Variants in EPB41L2 observed in about 807,000 individuals in gnomAD.
EPB41L2 encodes band 4.1-like protein 2.
EPB41L2 carries 43 observed loss-of-function variants against 113.0 expected under a neutral mutation model. That is an observed-to-expected ratio of 0.38 (90% CI 0.30 to 0.49). EPB41L2 has a LOEUF of 0.49. Ranked by LOEUF, EPB41L2 falls within the 20% of genes least tolerant of loss-of-function variation. EPB41L2 has a pLI of 0.95. For missense variants in EPB41L2, 1,147 were observed against 1,223.4 expected (o/e 0.94, Z 0.93); for synonymous variants, 442 against 436.7 (o/e 1.01, Z -0.15).
At position 130,895,016 on chromosome 6, in the gene EPB41L2, T is replaced by C; in HGVS notation, c.1340A>G (p.Lys447Arg). The change falls in exon 9 of 20, where the codon AAA becomes AGA. Residue 447 changes from lysine to arginine, a missense_variant. By Grantham distance (26) the Lys-to-Arg change is conservative. Transcript: ENST00000337057. ...GAAGTTACTGCGTTTATAGGAAATT[T>C]TTAAGATTTTCGGCCAAGCAAAACG... Reference protein sequence around the residue: ...INRFAWPKILKISYKRSNFYI... With the variant: ...INRFAWPKILRISYKRSNFYI... 6.2e-7 allele frequency: 1 copy of C among 1,614,010 alleles called. No individual in the cohort carries two copies. Among genetic ancestry groups the C allele is most frequent in the Middle Eastern group, 1.7e-4 (1 of 6,058 alleles).
intron 1 of EPB41L2, among the ~76,000 whole-genome samples, chr6:130,963,811 T>C (rs889474286): frequency 1.1e-4 from 16 of 152,152 alleles, no homozygotes; most frequent in Non-Finnish European, 1.9e-4. Context: ...ATAATGCATA[T>C]AAACCTTGTA....
At chr6:131,004,131 T>C (rs1219324460) in intron 1 of EPB41L2, among the ~76,000 whole-genome samples, 1 of 152,186 alleles carries the variant, frequency 6.6e-6, no homozygotes, top group East Asian at 1.9e-4. Flanking sequence ...TGCCTATCTA[T>C]AGACAGTCCC....
At chr6:130,898,132 T>G (rs1435155067) in intron 8 of EPB41L2, among the ~76,000 whole-genome samples, 4 of 151,502 alleles carry the variant, frequency 2.6e-5, no homozygotes, top group African/African-American at 9.7e-5. Context: ...AAAAAGGTAT[T>G]AAGAATGCTT....
intron 1 of EPB41L2, among the ~76,000 whole-genome samples, chr6:131,029,616 A>G (rs765668988): frequency 6.4e-4 from 97 of 152,312 alleles, no homozygotes; most frequent in Admixed American, 1.5e-3. Flanking sequence ...TTAAAAGTTC[A>G]TTCTCCCACC....
At chr6:131,019,374 AT>A (rs376410043) in intron 1 of EPB41L2, among the ~76,000 whole-genome samples, 126 of 152,286 alleles carry the variant, frequency 8.3e-4, no homozygotes, top group Middle Eastern at 3.4e-3. Context: ...GCAAAGAATA[AT>A]TTTGATTCCT....
intron 1 of EPB41L2, among the ~76,000 whole-genome samples, chr6:130,962,020 GGTAGAGGATAT>G (rs1773700617): frequency 1.3e-5 from 2 of 152,128 alleles, no homozygotes; most frequent in African/African-American, 4.8e-5. Flanking sequence ...TCTGCTTGTG[GGTAGAGGATAT>G]GTAGAGCATC....
chr6:130,984,860 A>G (rs949979822), intron 1 of EPB41L2, among the ~76,000 whole-genome samples: 1 of 152,246 alleles, frequency 6.6e-6, no homozygotes, highest in African/African-American at 2.4e-5. Context: ...ACTATTGGCT[A>G]GAATGGTAAA....
intron 3 of EPB41L2, among the ~76,000 whole-genome samples, chr6:130,947,065 A>G (rs996284999): frequency 3.5e-5 from 5 of 141,906 alleles, no homozygotes; most frequent in African/African-American, 1.3e-4. Context: ...GCTAGCTACA[A>G]TGTTCCAAAA....
intron 1 of EPB41L2, among the ~76,000 whole-genome samples, chr6:131,043,757 G>A (rs1440753768): frequency 6.6e-6 from 1 of 152,176 alleles, no homozygotes; most frequent in African/African-American, 2.4e-5. Context: ...AGGATTTGCT[G>A]TTAATTTATT....
chr6:131,020,438 T>A (rs970695487), intron 1 of EPB41L2, among the ~76,000 whole-genome samples: 1 of 152,222 alleles, frequency 6.6e-6, no homozygotes, highest in Non-Finnish European at 1.5e-5. Flanking sequence ...GTGTTCTCAC[T>A]GTTAATATGT....
chr6:131,041,286 CAT>C (rs1252246831), intron 1 of EPB41L2, among the ~76,000 whole-genome samples: 1 of 152,036 alleles, frequency 6.6e-6, no homozygotes, highest in Admixed American at 6.5e-5. Context: ...CAGGAAAAAA[CAT>C]ATGGGAAAAA....
chr6:130,885,271 A>G lies in EPB41L2; in HGVS notation c.1661-3T>C. ...TTGGTCCATGACACCAATCGGAGCT[A>G]GTAAAGAGTGACAATTTTGGATTAT... On this transcript the variant is annotated splice_polypyrimidine_tract_variant and splice_region_variant and intron_variant, in intron 11 of 19. Coordinates refer to ENST00000337057, the MANE Select transcript of EPB41L2 (RefSeq NM_001431.4). 1.2e-6 allele frequency: 2 copies of G among 1,614,078 alleles called. No individual in the cohort carries two copies. The highest frequency in any genetic ancestry group is 8.5e-7 in the Non-Finnish European group (1 of 1,179,960).
intron 1 of EPB41L2, among the ~76,000 whole-genome samples, chr6:131,027,299 TATACTCAAGTC>T (rs1316953827): frequency 2.0e-5 from 3 of 152,210 alleles, no homozygotes; most frequent in Non-Finnish European, 4.4e-5. Flanking sequence ...AAATCTGAAA[TATACTCAAGTC>T]ATAACAGCAA....
intron 1 of EPB41L2, among the ~76,000 whole-genome samples, chr6:130,988,313 G>A (rs773347260): frequency 6.6e-6 from 1 of 152,114 alleles, no homozygotes; most frequent in African/African-American, 2.4e-5. Flanking sequence ...GGAACTTTCA[G>A]GCATACTGAG....
rs1419391378 is a variant in EPB41L2 at position 130,890,470 on chromosome 6, T to C, written c.1488-4A>G. 5 of 1,503,990 alleles carry C rather than the reference T, an allele frequency of 3.3e-6. No individual in the cohort carries two copies. The highest frequency in any genetic ancestry group is 3.5e-6 in the Non-Finnish European group (4 of 1,136,620). 93.2% of individuals were successfully genotyped at this position (1,503,990 alleles called of 1,614,324 possible). ...TGGCTGCTCTGGAGAAACAAGCCTA[T>C]GGGAGGAAAAAAAAAAAAAAAGAGA... On this transcript the variant is annotated splice_polypyrimidine_tract_variant and splice_region_variant and intron_variant, in intron 10 of 19. Transcript: ENST00000337057.
intron 1 of EPB41L2, among the ~76,000 whole-genome samples, chr6:130,963,821 A>C (rs1278380873): frequency 3.3e-5 from 5 of 152,312 alleles, no homozygotes; most frequent in African/African-American, 1.2e-4. Context: ...TAAACCTTGT[A>C]ATACTGGCAA....
At chr6:131,032,642 C>G (rs1038108304) in intron 1 of EPB41L2, among the ~76,000 whole-genome samples, 2 of 152,134 alleles carry the variant, frequency 1.3e-5, no homozygotes, top group Non-Finnish European at 2.9e-5. Context: ...ATTCTGTTTA[C>G]TACAGCTCTT....
At chr6:130,914,512 T>C (rs1216114144) in intron 4 of EPB41L2, among the ~76,000 whole-genome samples, 2 of 152,284 alleles carry the variant, frequency 1.3e-5, no homozygotes, top group African/African-American at 4.8e-5. Flanking sequence ...ATTATCCAGT[T>C]TGGCCGATGG....
At chr6:131,023,217 A>C (rs1789923156) in intron 1 of EPB41L2, among the ~76,000 whole-genome samples, 1 of 152,204 alleles carries the variant, frequency 6.6e-6, no homozygotes. Flanking sequence ...TAATAAATGC[A>C]ATATTTAAAG....
Sources: allele counts gnomAD v4.1 joint callset (sites outside exome capture counted in the v4.1 genomes callset), GRCh38; gene constraint gnomAD v4.1.1; transcripts MANE v1.5; gene names NCBI Gene and HGNC (gene_info 2026-07-23, HGNC 2026-07-21).